The following MAGI1 variants were observed in gnomAD, a reference collection of about 807,000 sequenced individuals.
The protein encoded by MAGI1 is membrane-associated guanylate kinase, WW and PDZ domain-containing protein 1.
In MAGI1, 58 loss-of-function variants were observed where a neutral mutation model predicts 139.9. The observed-to-expected ratio is 0.41, with a 90% CI of 0.34 to 0.52. MAGI1 has a LOEUF of 0.52. Among genes scored for constraint, MAGI1 ranks in the 20% least tolerant of loss-of-function variants. The pLI is 0.12. For missense variants in MAGI1, 1,874 were observed against 1,901.6 expected (o/e 0.99, Z 0.27); for synonymous variants, 812 against 737.9 (o/e 1.10, Z -1.63).
chr3:65,625,036 C>T (rs983721458), intron 1 of MAGI1, among the ~76,000 whole-genome samples: 2 of 151,994 alleles, frequency 1.3e-5, no homozygotes, highest in Non-Finnish European at 2.9e-5. Flanking sequence ...CCACGCGCAG[C>T]GAGTTTTCAT....
intron 18 of MAGI1, among the ~76,000 whole-genome samples, chr3:65,370,011 A>G (rs1941827890): frequency 6.6e-6 from 1 of 152,206 alleles, no homozygotes; most frequent in South Asian, 2.1e-4. Flanking sequence ...ACAGAAAGGA[A>G]GTGGATCCAG....
intron 1 of MAGI1, among the ~76,000 whole-genome samples, chr3:65,645,478 G>T (rs1253546751): frequency 6.6e-6 from 1 of 152,034 alleles, no homozygotes; most frequent in African/African-American, 2.4e-5. Flanking sequence ...GAAATCAAGA[G>T]ATTCTCAGGT....
At chr3:65,540,674 G>T (rs2079167946) in intron 2 of MAGI1, among the ~76,000 whole-genome samples, 1 of 152,160 alleles carries the variant, frequency 6.6e-6, no homozygotes, top group South Asian at 2.1e-4. Context: ...TGTTTGCCAG[G>T]TGCTAAGAAA....
intron 1 of MAGI1, among the ~76,000 whole-genome samples, chr3:65,776,582 T>C (rs1559871625): frequency 6.6e-6 from 1 of 152,182 alleles, no homozygotes; most frequent in Non-Finnish European, 1.5e-5. Flanking sequence ...AATATCTGGT[T>C]TTCCAGGCAG....
At chr3:65,910,760 A>G (rs1455410570) in intron 1 of MAGI1, among the ~76,000 whole-genome samples, 1 of 151,382 alleles carries the variant, frequency 6.6e-6, no homozygotes, top group East Asian at 1.9e-4. Flanking sequence ...ACTTCTCGAC[A>G]TGAAGGTCCT....
chr3:65,393,546 C>A (rs1233931749), intron 13 of MAGI1, among the ~76,000 whole-genome samples: 12 of 152,054 alleles, frequency 7.9e-5, no homozygotes. Flanking sequence ...TATTTTTTTA[C>A]ATTTTAGTAA....
chr3:65,729,071 C>A (rs1652092440), intron 1 of MAGI1, among the ~76,000 whole-genome samples: 1 of 121,122 alleles, frequency 8.3e-6, no homozygotes. Context: ...CTGCATTATC[C>A]AATAAAAACA....
At chr3:65,491,109 G>T (rs1207928767) in intron 3 of MAGI1, among the ~76,000 whole-genome samples, 1 of 151,984 alleles carries the variant, frequency 6.6e-6, no homozygotes, top group Non-Finnish European at 1.5e-5. Flanking sequence ...AGTACTAATG[G>T]GTTATTTTCC....
At chr3:65,463,698 A>G (rs1345821713) in intron 5 of MAGI1, among the ~76,000 whole-genome samples, 1 of 151,844 alleles carries the variant, frequency 6.6e-6, no homozygotes, top group Non-Finnish European at 1.5e-5. Context: ...TTCAGAAAGA[A>G]TGGTACCAGC....
At chr3:65,522,133 T>C (rs10510939) in intron 2 of MAGI1, among the ~76,000 whole-genome samples, 47,720 of 152,076 alleles carry the variant, frequency 0.31, 9,210 homozygotes, top group East Asian at 0.73. Flanking sequence ...AAAGTGTTAA[T>C]ATATATCCAG....
intron 12 of MAGI1, among the ~76,000 whole-genome samples, chr3:65,412,645 G>C (rs911050399): frequency 6.6e-6 from 1 of 152,174 alleles, no homozygotes; most frequent in Non-Finnish European, 1.5e-5. Flanking sequence ...GAAAGCTGCA[G>C]GAAGAGCTGA....
intron 2 of MAGI1, among the ~76,000 whole-genome samples, chr3:65,515,626 A>C (rs997280050): frequency 6.6e-6 from 1 of 152,204 alleles, no homozygotes; most frequent in East Asian, 1.9e-4. Context: ...ACACAAAGAC[A>C]ACAAGTACCC....
At chr3:65,794,010 C>A (rs1017494458) in intron 1 of MAGI1, among the ~76,000 whole-genome samples, 5 of 152,092 alleles carry the variant, frequency 3.3e-5, no homozygotes, top group Non-Finnish European at 7.4e-5. Flanking sequence ...TTCCTTTTTC[C>A]TCGGAGCAAG....
intron 2 of MAGI1, among the ~76,000 whole-genome samples, chr3:65,557,166 G>T (rs929223679): frequency 1.3e-5 from 2 of 152,180 alleles, no homozygotes; most frequent in African/African-American, 4.8e-5. Context: ...GCACAAAACT[G>T]GTCTGGATGA....
chr3:65,828,978 G>A (rs567977194), intron 1 of MAGI1, among the ~76,000 whole-genome samples: 1 of 152,070 alleles, frequency 6.6e-6, no homozygotes, highest in Admixed American at 6.5e-5. Context: ...CAAGAAAAAG[G>A]GGATCTTGGT....
intron 1 of MAGI1, among the ~76,000 whole-genome samples, chr3:66,032,373 G>A (rs761745760): frequency 3.2e-5 from 4 of 123,728 alleles, no homozygotes; most frequent in Admixed American, 9.5e-5. Context: ...ACCACGCCCG[G>A]CTAATTTTTT....
At chr3:65,815,602 G>C (rs928392348) in intron 1 of MAGI1, among the ~76,000 whole-genome samples, 2 of 152,014 alleles carry the variant, frequency 1.3e-5, no homozygotes, top group Non-Finnish European at 2.9e-5. Context: ...ATCTTAGCAA[G>C]AATGTTATTT....
At chr3:65,700,312 C>T (rs972128155) in intron 1 of MAGI1, among the ~76,000 whole-genome samples, 2 of 152,042 alleles carry the variant, frequency 1.3e-5, no homozygotes, top group African/African-American at 4.8e-5. Context: ...CATGGTGGTG[C>T]ATTCCTGTAA....
At chr3:65,417,207 A>G (rs1946287744) in intron 12 of MAGI1, among the ~76,000 whole-genome samples, 1 of 152,180 alleles carries the variant, frequency 6.6e-6, no homozygotes, top group Non-Finnish European at 1.5e-5. Flanking sequence ...CAGGAAGAAT[A>G]GCTAATGAAT....
Sources: gnomAD v4.1 joint callset for allele counts (sites outside exome capture counted in the v4.1 genomes callset) on GRCh38, gnomAD v4.1.1 for gene constraint, MANE v1.5 for transcripts, NCBI Gene and HGNC (gene_info 2026-07-23, HGNC 2026-07-21) for gene names.